APBA2: variants seen among roughly 807,000 people sequenced by gnomAD.
APBA2 encodes amyloid-beta A4 precursor protein-binding family A member 2.
A neutral mutation model predicts 75.0 loss-of-function variants in APBA2; 30 were observed. The observed-to-expected ratio is 0.40, with a 90% CI of 0.30 to 0.54. The LOEUF (loss-of-function observed/expected upper bound fraction) is 0.54, where lower values mean the gene tolerates loss of function less well. APBA2 is among the 20% of genes least tolerant of loss of function. The pLI is 0.49. For synonymous variants in APBA2, 444 were observed against 409.6 expected (o/e 1.08, Z -1.01); for missense variants, 801 against 1,016.1 (o/e 0.79, Z 2.88).
In APBA2 at chr15:29,103,007, A is replaced by G. The variant is rs1300679538; in HGVS notation, c.1524+1223A>G. Among the ~76,000 whole-genome samples the G allele has an allele frequency of 2.0e-5, 3 of 152,306 alleles. No individual in the cohort carries two copies. In the South Asian group the frequency reaches 6.2e-4, roughly 32 times the overall value. ...GGCAGATTTACAGGAGGGAGAGAGCATTTCAACAGCGCACTCACACATTCC... is the reference window on the plus strand; with the variant it reads ...GGCAGATTTACAGGAGGGAGAGAGCGTTTCAACAGCGCACTCACACATTCC... On this transcript the variant is annotated intron_variant, in intron 10 of 14. Transcript: ENST00000683413.
rs566157902 is a variant in APBA2, at chr15:28,991,898, C to T, written c.-94-3855C>T. Among the ~76,000 whole-genome samples the T allele has an allele frequency of 8.5e-5, 13 of 152,270 alleles. No homozygotes were observed. Among genetic ancestry groups the T allele is most frequent in the African/African-American group, 3.1e-4 (13 of 41,552 alleles). On this transcript the variant is annotated intron_variant, in intron 2 of 14. Transcript: ENST00000683413. The surrounding 1 kb of genome is among the most constrained non-coding windows in gnomAD (Gnocchi z 4.7). ...ACCAGAGTTTCCCAAACCTGTGTGCCGAGTGCCAGCCCCTTAGCAAGTGCA... is the reference window on the plus strand; with the variant it reads ...ACCAGAGTTTCCCAAACCTGTGTGCTGAGTGCCAGCCCCTTAGCAAGTGCA...
At chr15:28,986,069 G>T (rs966090789) in intron 2 of APBA2, among the ~76,000 whole-genome samples, 2 of 152,046 alleles carry the variant, frequency 1.3e-5, no homozygotes, top group East Asian at 1.9e-4. Context: ...AATTAATATC[G>T]TAATGCAGTA....
intron 3 of APBA2, among the ~76,000 whole-genome samples, chr15:29,028,415 A>C (rs1331049432): frequency 6.6e-6 from 1 of 152,108 alleles, no homozygotes; most frequent in East Asian, 1.9e-4. Context: ...ATTGATGGGC[A>C]TTTGGGTTGA....
chr15:29,077,831 A>G (rs1425925874), intron 6 of APBA2, among the ~76,000 whole-genome samples: 8 of 152,216 alleles, frequency 5.3e-5, no homozygotes, highest in Non-Finnish European at 1.5e-5. Flanking sequence ...CATGGACCAA[A>G]ATCTTACTCA....
chr15:28,915,537 C>T (rs2033651688), intron 1 of APBA2, among the ~76,000 whole-genome samples: 1 of 150,556 alleles, frequency 6.6e-6, no homozygotes, highest in African/African-American at 2.5e-5. Flanking sequence ...ACCCCATAGA[C>T]ACCATACACA....
chr15:29,006,479 T>G (rs2039120912), intron 3 of APBA2, among the ~76,000 whole-genome samples: 1 of 152,242 alleles, frequency 6.6e-6, no homozygotes, highest in Non-Finnish European at 1.5e-5. Context: ...CAATACTACC[T>G]ATATTAGTCC....
intron 1 of APBA2, among the ~76,000 whole-genome samples, chr15:28,914,633 G>T (rs1410980164): frequency 6.6e-6 from 1 of 152,106 alleles, no homozygotes; most frequent in African/African-American, 2.4e-5. Context: ...GACTGGTCCT[G>T]CCCGCGCACC....
At chr15:28,942,716 G>A (rs2035301778) in intron 2 of APBA2, among the ~76,000 whole-genome samples, 2 of 152,188 alleles carry the variant, frequency 1.3e-5, no homozygotes, top group African/African-American at 4.8e-5. Flanking sequence ...TAAGCGACCT[G>A]GGAGGTATCC....
rs182654059 is a variant in APBA2 at position 29,024,861 on chromosome 15, C to T, written c.-40-28984C>T. Among the ~76,000 whole-genome samples the T allele has an allele frequency of 2.0e-3, 307 of 152,212 alleles. 2 individuals carry two copies. Among genetic ancestry groups the T allele is most frequent in the Admixed American group, 4.5e-3 (69 of 15,290 alleles). ...TGTTGCCCATGGTGAGTCAGAGGAA[C>T]ACAGGAGGAGCGGATGGAAGCAGGA... On this transcript the variant is annotated intron_variant, in intron 3 of 14. Transcript: ENST00000683413.
intron 13 of APBA2, among the ~76,000 whole-genome samples, chr15:29,111,822 C>T (rs1302135389): frequency 1.3e-5 from 2 of 152,162 alleles, no homozygotes; most frequent in African/African-American, 4.8e-5. Context: ...TGCACTGGGG[C>T]TCCACTGCCC....
chr15:29,087,932 C>G (rs573620512), intron 6 of APBA2, among the ~76,000 whole-genome samples: 1 of 152,324 alleles, frequency 6.6e-6, no homozygotes, highest in South Asian at 2.1e-4. Context: ...CTCGCCCCTC[C>G]ACTGGCTTTT....
intron 6 of APBA2, among the ~76,000 whole-genome samples, chr15:29,087,377 TC>T (rs2043335090): frequency 6.6e-6 from 1 of 152,338 alleles, no homozygotes; most frequent in East Asian, 1.9e-4. Flanking sequence ...TGACCTTCCT[TC>T]CCTGACTCTC....
At position 29,054,052 on chromosome 15, in the gene APBA2, C is replaced by T. The variant is rs367887200; in HGVS notation, c.168C>T (p.Pro56=). 58 of 1,613,716 alleles carry T rather than the reference C, an allele frequency of 3.6e-5. No homozygotes were observed. Among genetic ancestry groups the T allele is most frequent in the South Asian group, 1.2e-4 (11 of 91,070 alleles). The change falls in exon 4 of 15, where the codon CCC becomes CCT. Residue 56 remains proline, a synonymous_variant. Transcript: ENST00000683413. The surrounding 1 kb of genome is among the most constrained non-coding windows in gnomAD (Gnocchi z 6.1). ...TGGCTGCCCTGCGGCCAGAGAGCCC[C>T]GCGCCAGAGGAACAGGAGTGCCACA... is the stretch of plus-strand genomic sequence containing the variant. ...LELAALRPES[P]APEEQECHNH... is the part of the protein sequence containing the mutation.
chr15:28,960,174 T>C (rs1262388198), intron 2 of APBA2, among the ~76,000 whole-genome samples: 2 of 141,464 alleles, frequency 1.4e-5, no homozygotes, highest in Non-Finnish European at 3.0e-5. Context: ...AAAAAGACAC[T>C]TTGAGACTGG....
intron 6 of APBA2, among the ~76,000 whole-genome samples, chr15:29,091,736 C>T (rs1283769315): frequency 2.6e-5 from 4 of 152,186 alleles, no homozygotes; most frequent in Non-Finnish European, 5.9e-5. Context: ...TGGCAGCGCC[C>T]AAGCTGGGCC....
intron 3 of APBA2, among the ~76,000 whole-genome samples, chr15:29,009,104 T>C (rs572586040): frequency 6.6e-6 from 1 of 152,180 alleles, no homozygotes; most frequent in East Asian, 1.9e-4. Context: ...CATCAGAAAA[T>C]CTGACTCACA....
chr15:29,049,222 T>A (rs1048070144), intron 3 of APBA2, among the ~76,000 whole-genome samples: 5 of 152,172 alleles, frequency 3.3e-5, no homozygotes, highest in Non-Finnish European at 1.5e-5. Flanking sequence ...GGTTCATTGG[T>A]ATGTGGTGTG....
chr15:29,092,073 C>T (rs776546298), intron 6 of APBA2, among the ~76,000 whole-genome samples: 4 of 152,226 alleles, frequency 2.6e-5, no homozygotes, highest in Non-Finnish European at 4.4e-5. Flanking sequence ...CAGCCCCAAT[C>T]GCAAATCCTC....
chr15:29,031,941 T>C (rs544542228), intron 3 of APBA2, among the ~76,000 whole-genome samples: 1 of 152,238 alleles, frequency 6.6e-6, no homozygotes, highest in Non-Finnish European at 1.5e-5. Context: ...CAGGATGCTG[T>C]CTTGATACTG....
Sources: allele counts gnomAD v4.1 joint callset (sites outside exome capture counted in the v4.1 genomes callset), GRCh38; gene constraint gnomAD v4.1.1; non-coding constraint Gnocchi (gnomAD v3.1); transcripts MANE v1.5; gene names NCBI Gene and HGNC (gene_info 2026-07-23, HGNC 2026-07-21).